CADM2: variants seen among roughly 807,000 people sequenced by gnomAD.
CADM2 encodes cell adhesion molecule 2.
In CADM2, 12 loss-of-function variants were observed where a neutral mutation model predicts 49.8. That is an observed-to-expected ratio of 0.24 (90% confidence interval 0.15 to 0.39). The LOEUF is 0.39. Among genes scored for constraint, CADM2 ranks in the 10% least tolerant of loss-of-function variants. The pLI, the probability that CADM2 is intolerant of heterozygous loss-of-function variation, is 1.00. For synonymous variants in CADM2, 214 were observed against 175.4 expected, an observed-to-expected ratio of 1.22 and a Z score of -1.74; for missense variants, 378 against 492.3, an observed-to-expected ratio of 0.77 and a Z score of 2.20.
At chr3:85,522,763 T>A (rs2061055537) in intron 1 of CADM2, among the ~76,000 whole-genome samples, 1 of 151,846 alleles carries the variant, frequency 6.6e-6, no homozygotes, top group African/African-American at 2.4e-5. Flanking sequence ...AGGGAGAAAG[T>A]ATCAAGAAAT....
At chr3:85,020,636 T>TA (rs1303362232) in intron 1 of CADM2, among the ~76,000 whole-genome samples, 1 of 152,170 alleles carries the variant, frequency 6.6e-6, no homozygotes, top group Non-Finnish European at 1.5e-5. Flanking sequence ...AATAATTGTT[T>TA]AAAAAATACC....
At chr3:85,775,892 G>A (rs1420128331) in intron 2 of CADM2, among the ~76,000 whole-genome samples, 5 of 151,818 alleles carry the variant, frequency 3.3e-5, no homozygotes, top group African/African-American at 1.2e-4. Flanking sequence ...AATTTGAAAA[G>A]TAGAAGATTT....
chr3:85,341,768 A>G (rs1295770612), intron 1 of CADM2, among the ~76,000 whole-genome samples: 1 of 152,120 alleles, frequency 6.6e-6, no homozygotes, highest in African/African-American at 2.4e-5. Context: ...GGAAGTTAAT[A>G]TAAAGATTTA....
intron 1 of CADM2, among the ~76,000 whole-genome samples, chr3:85,584,995 T>A (rs988445519): frequency 2.6e-5 from 4 of 152,040 alleles, no homozygotes; most frequent in Non-Finnish European, 4.4e-5. Context: ...CTTTCCATGG[T>A]TTCAGTTAAC....
At chr3:85,393,136 G>T (rs903279173) in intron 1 of CADM2, among the ~76,000 whole-genome samples, 27 of 151,080 alleles carry the variant, frequency 1.8e-4, no homozygotes, top group African/African-American at 6.3e-4. Context: ...AATGATAGTT[G>T]TAAGAAAGAC....
chr3:85,754,858 A>AT (rs1172927222), intron 2 of CADM2, among the ~76,000 whole-genome samples: 2 of 152,322 alleles, frequency 1.3e-5, no homozygotes, highest in South Asian at 4.1e-4. Flanking sequence ...GAGTATTGAC[A>AT]TTTTTTTAAA....
chr3:85,516,412 GCTT>G (rs1262056395), intron 1 of CADM2, among the ~76,000 whole-genome samples: 1 of 152,224 alleles, frequency 6.6e-6, no homozygotes, highest in South Asian at 2.1e-4. Flanking sequence ...TCTGTCTCAA[GCTT>G]CTTCTTATAG....
At chr3:85,000,409 T>C (rs968006406) in intron 1 of CADM2, among the ~76,000 whole-genome samples, 4 of 151,900 alleles carry the variant, frequency 2.6e-5, no homozygotes, top group African/African-American at 9.7e-5. Flanking sequence ...TCTATTCTTT[T>C]AAAGCTATAG....
At chr3:85,555,166 C>T (rs2061928811) in intron 1 of CADM2, among the ~76,000 whole-genome samples, 1 of 152,078 alleles carries the variant, frequency 6.6e-6, no homozygotes, top group African/African-American at 2.4e-5. Flanking sequence ...AATATTTATA[C>T]CAAGTGTGTG....
At chr3:85,093,590 T>A (rs2037682600) in intron 1 of CADM2, among the ~76,000 whole-genome samples, 1 of 152,214 alleles carries the variant, frequency 6.6e-6, no homozygotes, top group African/African-American at 2.4e-5. Context: ...TTGTAAGCTA[T>A]TGATTAAGGG....
chr3:85,400,720 C>A (rs2107437949), intron 1 of CADM2, among the ~76,000 whole-genome samples: 1 of 149,756 alleles, frequency 6.7e-6, no homozygotes, highest in Non-Finnish European at 1.5e-5. Context: ...CTTCTAGTTT[C>A]TAGTTTATTT....
intron 1 of CADM2, among the ~76,000 whole-genome samples, chr3:85,131,021 A>G (rs934837764): frequency 2.0e-5 from 3 of 152,118 alleles, no homozygotes; most frequent in African/African-American, 4.8e-5. Flanking sequence ...CGTCTCTACT[A>G]AAAATACAAA....
intron 1 of CADM2, among the ~76,000 whole-genome samples, chr3:85,456,837 T>C (rs2038013961): frequency 1.3e-5 from 2 of 151,618 alleles, no homozygotes; most frequent in African/African-American, 4.8e-5. Flanking sequence ...TTTTTTCTTT[T>C]TTTTTTTTTC....
In CADM2 at chr3:85,917,270, A is replaced by C. The variant is rs963613103; in HGVS notation, c.700+4727A>C. Among the ~76,000 whole-genome samples, 4 of 152,106 alleles carry C rather than the reference A, an allele frequency of 2.6e-5. No individual in the cohort carries two copies. The South Asian group carries it at 8.3e-4, about 32-fold the overall frequency. On this transcript the variant is annotated intron_variant, in intron 6 of 9. Transcript: ENST00000383699. ...GCCTGTGTCCTGAATGGTATTGCCTAGGTTTTCTTCTAGGGTTTTTATGAT... is the reference window on the plus strand; with the variant it reads ...GCCTGTGTCCTGAATGGTATTGCCTCGGTTTTCTTCTAGGGTTTTTATGAT...
At chr3:85,908,392 C>T (rs1717097332) in intron 5 of CADM2, among the ~76,000 whole-genome samples, 1 of 150,394 alleles carries the variant, frequency 6.6e-6, no homozygotes, top group African/African-American at 2.4e-5. Context: ...GATCTAATCT[C>T]CTGAATATAA....
chr3:85,390,058 G>T (rs754116619), intron 1 of CADM2, among the ~76,000 whole-genome samples: 11 of 151,906 alleles, frequency 7.2e-5, no homozygotes, highest in East Asian at 1.9e-4. Context: ...AGGAATAAAA[G>T]AATTATATAA....
At chr3:85,755,061 C>A (rs1050945195) in intron 2 of CADM2, among the ~76,000 whole-genome samples, 40 of 152,160 alleles carry the variant, frequency 2.6e-4, no homozygotes, top group Non-Finnish European at 5.9e-5. Context: ...ACCAACTGGA[C>A]GTCCTACAAT....
At chr3:85,850,321 T>C (rs1313397384) in intron 3 of CADM2, among the ~76,000 whole-genome samples, 1 of 112,084 alleles carries the variant, frequency 8.9e-6, no homozygotes, top group African/African-American at 4.0e-5. Context: ...ATTCTTTTTT[T>C]TTTTTTTTTT....
intron 1 of CADM2, among the ~76,000 whole-genome samples, chr3:85,567,575 T>C (rs987784873): frequency 7.3e-5 from 11 of 151,540 alleles, no homozygotes; most frequent in African/African-American, 2.7e-4. Context: ...ATTGTGCAGA[T>C]TTTTTTTTAG....
Sources: allele counts gnomAD v4.1 joint callset (sites outside exome capture counted in the v4.1 genomes callset), GRCh38; gene constraint gnomAD v4.1.1; transcripts MANE v1.5; gene names NCBI Gene and HGNC (gene_info 2026-07-23, HGNC 2026-07-21).